RXFP2: variants seen among roughly 807,000 people sequenced by gnomAD.
RXFP2 encodes the protein relaxin family peptide receptor 2.
A neutral mutation model predicts 88.6 loss-of-function variants in RXFP2; 68 were observed. The observed-to-expected ratio is 0.77, with a 90% CI of 0.63 to 0.94. The LOEUF is 0.94. Among genes scored for constraint, RXFP2 ranks in the 40% least tolerant of loss-of-function variants. RXFP2 has a pLI of 0.00. For synonymous variants in RXFP2, 329 were observed against 306.8 expected, an observed-to-expected ratio of 1.07 and a Z score of -0.76; for missense variants, 791 against 893.9, an observed-to-expected ratio of 0.88 and a Z score of 1.47.
intron 1 of RXFP2, among the ~76,000 whole-genome samples, chr13:31,749,158 T>C (rs185502971): frequency 6.6e-6 from 1 of 152,352 alleles, no homozygotes; most frequent in Admixed American, 6.5e-5. Context: ...TTCTAGAAAC[T>C]GTATTGTTTC....
chr13:31,745,549 C>A (rs936640053), intron 1 of RXFP2, among the ~76,000 whole-genome samples: 2 of 152,178 alleles, frequency 1.3e-5, no homozygotes, highest in Non-Finnish European at 2.9e-5. Flanking sequence ...AGTTGGGCTG[C>A]ACTAAGCCCC....
chr13:31,787,690 A>T (rs560027944), intron 13 of RXFP2, among the ~76,000 whole-genome samples: 28 of 151,906 alleles, frequency 1.8e-4, no homozygotes, highest in African/African-American at 5.8e-4. Flanking sequence ...CCCAGGCTAG[A>T]GTGCAATGGC....
rs897637358 is a variant in RXFP2, at chr13:31,792,778, C to T, written c.1476C>T (p.Ser492=). Residue 492 remains serine (S), a synonymous_variant, in exon 16 of 18, where the codon AGC becomes AGT. Coordinates refer to ENST00000298386, the MANE Select transcript of RXFP2 (RefSeq NM_130806.5). ...YQKYALLWME[S]VQCRLMGFLA... ...AGTATGCCTTGCTGTGGATGGAGAG[C>T]GTGCAGTGCCGCCTCATGGGGTTCC... 9.3e-6 allele frequency: 15 copies of T among 1,614,078 alleles called. No individual in the cohort carries two copies. The highest frequency in any genetic ancestry group is 2.2e-5 in the East Asian group (1 of 44,870).
intron 8 of RXFP2, 36 bp from the exon 9 acceptor site, chr13:31,778,476 C>T (rs1199722176): frequency 7.2e-7 from 1 of 1,384,032 alleles, no homozygotes; most frequent in Admixed American, 1.7e-5. Context: ...AGTGTCATAT[C>T]ATTTTATTTC....
intron 3 of RXFP2, among the ~76,000 whole-genome samples, chr13:31,762,388 C>T (rs1463046677): frequency 6.6e-6 from 1 of 152,100 alleles, no homozygotes; most frequent in Non-Finnish European, 1.5e-5. Context: ...GCAAGATCAA[C>T]AAAACACTGG....
intron 11 of RXFP2, among the ~76,000 whole-genome samples, chr13:31,784,439 AC>A (rs1420695339): frequency 6.6e-6 from 1 of 152,210 alleles, no homozygotes; most frequent in African/African-American, 2.4e-5. Flanking sequence ...AGGAATAAGC[AC>A]AAGTACTTGA....
chr13:31,798,627 T>C (rs549862403), intron 17 of RXFP2, among the ~76,000 whole-genome samples: 1 of 152,166 alleles, frequency 6.6e-6, no homozygotes, highest in African/African-American at 2.4e-5. Context: ...GACAAAAGTG[T>C]CCGTTGGCCT....
chr13:31,742,145 T>C (rs1871245443), intron 1 of RXFP2, among the ~76,000 whole-genome samples: 1 of 152,182 alleles, frequency 6.6e-6, no homozygotes, highest in Non-Finnish European at 1.5e-5. Context: ...ATCAAAAACA[T>C]GGGCTTATGT....
At chr13:31,789,819 G>A (rs1873713777) in intron 14 of RXFP2, among the ~76,000 whole-genome samples, 1 of 152,202 alleles carries the variant, frequency 6.6e-6, no homozygotes, top group Admixed American at 6.5e-5. Context: ...TACAAGTTGG[G>A]TACAGCAAGT....
chr13:31,743,447 G>A (rs146284655), intron 1 of RXFP2, among the ~76,000 whole-genome samples: 4,626 of 150,916 alleles, frequency 0.031, 186 homozygotes, highest in African/African-American at 0.084. Context: ...CAGCCTGGGC[G>A]ACAGAGCGAG....
At chr13:31,750,764 T>C (rs996504065) in intron 1 of RXFP2, among the ~76,000 whole-genome samples, 1 of 152,198 alleles carries the variant, frequency 6.6e-6, no homozygotes, top group Non-Finnish European at 1.5e-5. Context: ...ACAGTGATTC[T>C]GGTGAGAAGA....
chr13:31,761,862 A>G, intron 3 of RXFP2, 61 bp downstream of exon 3: 1 of 1,096,250 alleles, frequency 9.1e-7, no homozygotes, highest in Non-Finnish European at 1.4e-6. Context: ...TGTGATGCAC[A>G]GATTTATATG....
At chr13:31,765,904 G>C (rs1384215973) in intron 4 of RXFP2, 52 bp from the exon 5 acceptor site, 2 of 851,996 alleles carry the variant, frequency 2.3e-6, no homozygotes, top group Non-Finnish European at 3.9e-6. Context: ...CTAGGGAAGA[G>C]TGGGTTGGCC....
chr13:31,795,690 C>T (rs1873998405), intron 16 of RXFP2, among the ~76,000 whole-genome samples: 1 of 152,180 alleles, frequency 6.6e-6, no homozygotes, highest in South Asian at 2.1e-4. Context: ...CTAGACTTCA[C>T]CAATCTTACA....
At chr13:31,789,509 T>C (rs549208164) in intron 14 of RXFP2, among the ~76,000 whole-genome samples, 1 of 152,334 alleles carries the variant, frequency 6.6e-6, no homozygotes, top group South Asian at 2.1e-4. Context: ...CTGGAAACAT[T>C]AATTCACCTC....
At chr13:31,759,376 A>AGAAG (rs981593146) in intron 2 of RXFP2, among the ~76,000 whole-genome samples, 5 of 67,604 alleles carry the variant, frequency 7.4e-5, no homozygotes, top group African/African-American at 3.1e-4. Flanking sequence ...ATTTGGATTG[A>AGAAG]GAAAGAAAGA....
chr13:31,769,133 G>A (rs1872649629), intron 5 of RXFP2, among the ~76,000 whole-genome samples: 1 of 152,170 alleles, frequency 6.6e-6, no homozygotes, highest in Non-Finnish European at 1.5e-5. Context: ...TAAGCTTGTG[G>A]AGCTTAATTT....
chr13:31,753,818 T>A (rs913919502), intron 1 of RXFP2, among the ~76,000 whole-genome samples: 10 of 152,138 alleles, frequency 6.6e-5, no homozygotes, highest in Non-Finnish European at 1.3e-4. Flanking sequence ...CTTTTTTTTT[T>A]ATTTCTAAAT....
rs757641788 is a variant in RXFP2, at chr13:31,765,999, T to A, written c.469T>A (p.Phe157Ile). The A allele has an allele frequency of 6.5e-7, 1 of 1,549,042 alleles. No individual in the cohort carries two copies. The highest frequency in any genetic ancestry group is 2.3e-5 in the East Asian group (1 of 44,400). ...NKIHSLPDKV[F>I]IKYTKLKKIF... ...AATCCACAGTCTTCCAGATAAAGTT[T>A]TCATCAAATACACAAAACTTAAAAA... The change falls in exon 5 of 18, where the codon TTC (phenylalanine) becomes ATC (isoleucine). Residue 157 changes from phenylalanine (F) to isoleucine (I), a missense_variant. Physicochemically the swap from Phe to Ile is conservative, Grantham distance 21. Transcript: ENST00000298386.
Sources: gnomAD v4.1 joint callset for allele counts (sites outside exome capture counted in the v4.1 genomes callset) on GRCh38, gnomAD v4.1.1 for gene constraint, MANE v1.5 for transcripts, NCBI Gene and HGNC (gene_info 2026-07-23, HGNC 2026-07-21) for gene names.